Variants in AHCTF1 observed in about 807,000 individuals in gnomAD.
AHCTF1 encodes the protein AT-hook containing transcription factor 1.
Under a neutral mutation model 248.4 loss-of-function variants are expected in AHCTF1, and 24 were observed. That is an observed-to-expected ratio of 0.10 (90% CI 0.07 to 0.14). The LOEUF (loss-of-function observed/expected upper bound fraction) is 0.14, where lower values mean the gene tolerates loss of function less well. Ranked by LOEUF, AHCTF1 falls within the 10% of genes least tolerant of loss-of-function variation. The pLI, the probability that AHCTF1 is intolerant of heterozygous loss-of-function variation, is 1.00. For missense variants in AHCTF1, 2,206 were observed against 2,636.2 expected, an observed-to-expected ratio of 0.84 and a Z score of 3.57; for synonymous variants, 786 against 929.8, an observed-to-expected ratio of 0.85 and a Z score of 2.81.
chr1:246,846,689 A>G (rs1232924290), intron 33 of AHCTF1, among the ~76,000 whole-genome samples: 1 of 152,002 alleles, frequency 6.6e-6, no homozygotes, highest in East Asian at 1.9e-4. Context: ...GCCAATATGA[A>G]AAAAAAAGAA....
chr1:246,859,836 G>A (rs933522713), intron 29 of AHCTF1, among the ~76,000 whole-genome samples: 1 of 152,088 alleles, frequency 6.6e-6, no homozygotes, highest in Admixed American at 6.6e-5. Context: ...TTACAGGCGT[G>A]AGCCACTTTA....
intron 3 of AHCTF1, among the ~76,000 whole-genome samples, chr1:246,915,114 G>A (rs61854029): frequency 6.6e-6 from 1 of 152,050 alleles, no homozygotes; most frequent in East Asian, 1.9e-4. Flanking sequence ...GGTGGATCAC[G>A]AGGTCAAGAG....
intron 29 of AHCTF1, among the ~76,000 whole-genome samples, chr1:246,858,090 G>A (rs1417700935): frequency 6.6e-6 from 1 of 151,812 alleles, no homozygotes; most frequent in Non-Finnish European, 1.5e-5. Flanking sequence ...CCCCCGAGTA[G>A]CTGGCACTAC....
intron 1 of AHCTF1, among the ~76,000 whole-genome samples, chr1:246,925,924 G>C (rs187847727): frequency 9.3e-4 from 141 of 152,184 alleles, no homozygotes; most frequent in Non-Finnish European, 1.2e-3. Context: ...AATTAGCCAG[G>C]TGTGGTGGCG....
rs1663035515 is a variant in AHCTF1, at chr1:246,877,193, C to T, written c.2770G>A (p.Asp924Asn). The part of the protein sequence containing the change: ...EVCQEMGLME[D>N]LLKLPFTDTE... ...TCTGTAAATGGTAACTTCAGTAAAT[C>T]TTCCATCAAGCCCATTTCCTGACAG... is the stretch of plus-strand genomic sequence containing the variant. The change falls in exon 22 of 36, where the codon GAT becomes AAT. Residue 924 changes from aspartate to asparagine, a missense_variant. Around this residue, in one of 6 missense-constraint regions of AHCTF1, gnomAD observed 955 missense variants for 1,055.6 expected, o/e 0.90. Transcript: ENST00000648844. 1.2e-6 allele frequency: 2 copies of T among 1,613,240 alleles called. No individual in the cohort carries two copies. Among genetic ancestry groups the T allele is most frequent in the Non-Finnish European group, 1.7e-6 (2 of 1,179,858 alleles).
Position 246,903,658 on chromosome 1 carries a change from C to A in AHCTF1, c.966+291G>T, listed in dbSNP as rs867896387. 1.2e-3 allele frequency among the ~76,000 whole-genome samples: 137 copies of A among 117,572 alleles called. 4 individuals carry two copies. Among genetic ancestry groups the A allele is most frequent in the African/African-American group, 4.5e-3 (130 of 28,960 alleles). 77.1% of individuals were successfully genotyped at this position (117,572 alleles called of 152,430 possible). On this transcript the variant is annotated intron_variant, in intron 7 of 35. Transcript: ENST00000648844. ...GCCTGGCCAAGATGGTGAGACCCCCCCCCCTCCGTCTCTGCTAAATATACA... is the reference window on the plus strand; with the variant it reads ...GCCTGGCCAAGATGGTGAGACCCCCACCCCTCCGTCTCTGCTAAATATACA...
Position 246,913,339 on chromosome 1 carries a change from C to T in AHCTF1, c.449G>A (p.Arg150Gln). The change falls in exon 4 of 36, where the codon CGA becomes CAA. Residue 150 changes from arginine (R) to glutamine (Q), a missense_variant. Arg to Gln is a conservative substitution (Grantham distance 43, BLOSUM62 1). Coordinates refer to ENST00000648844, the MANE Select transcript of AHCTF1 (RefSeq NM_001323342.2). ...CACAGCTGCCACTCCAAAAAGCCAT[C>T]GCAGACTTGGATGTAAATGCTGAGT... ...ASTQHLHPSL[R>Q]WLFGVAAVVT... is the part of the protein sequence containing the mutation. 10 of 1,613,920 alleles carry T rather than the reference C, an allele frequency of 6.2e-6. No individual in the cohort carries two copies. The highest frequency in any genetic ancestry group is 1.1e-5 in the South Asian group (1 of 91,058).
At chr1:246,882,004 G>GT (rs1282915367) in intron 21 of AHCTF1, among the ~76,000 whole-genome samples, 1,514 of 128,544 alleles carry the variant, frequency 0.012, 29 homozygotes, top group African/African-American at 0.036. Flanking sequence ...TTTTTTTTTT[G>GT]TTTTTTTTTT....
At chr1:246,851,582 T>C (rs568201204) in intron 32 of AHCTF1, 140 bp from the exon 33 acceptor site, 452 of 684,320 alleles carry the variant, frequency 6.6e-4, no homozygotes, top group Non-Finnish European at 9.2e-4. Context: ...CTTATGGGTT[T>C]ACTTTACAAA....
intron 1 of AHCTF1, chr1:246,931,265 C>T (rs1331127611): frequency 4.5e-6 from 7 of 1,549,032 alleles, no homozygotes; most frequent in East Asian, 2.4e-5. Context: ...CGGCCCCGGC[C>T]GTCCGTAAAG....
intron 33 of AHCTF1, among the ~76,000 whole-genome samples, chr1:246,845,432 A>G (rs1409806861): frequency 1.3e-5 from 2 of 152,224 alleles, no homozygotes; most frequent in African/African-American, 4.8e-5. Flanking sequence ...CAGCTTGTAA[A>G]TGGCAGAAAT....
chr1:246,897,880 G>A (rs1023774068), intron 12 of AHCTF1, among the ~76,000 whole-genome samples: 1 of 130,196 alleles, frequency 7.7e-6, no homozygotes, highest in Non-Finnish European at 1.7e-5. Context: ...TGCGGGGGCT[G>A]GGGTGGGAAG....
At chr1:246,923,531 C>G (rs949546055) in intron 1 of AHCTF1, among the ~76,000 whole-genome samples, 16 of 152,138 alleles carry the variant, frequency 1.1e-4, no homozygotes, top group Admixed American at 1.3e-4. Context: ...AATCTAGACA[C>G]AGAATCACTA....
intron 21 of AHCTF1, among the ~76,000 whole-genome samples, chr1:246,884,790 ACTTC>A (rs904902714): frequency 4.6e-5 from 7 of 152,244 alleles, no homozygotes; most frequent in Admixed American, 2.0e-4. Context: ...GAAACCAGAC[ACTTC>A]CTTAAGATTT....
At chr1:246,909,712 CATA>C (rs930224063) in intron 4 of AHCTF1, among the ~76,000 whole-genome samples, 3 of 152,168 alleles carry the variant, frequency 2.0e-5, no homozygotes, top group African/African-American at 7.2e-5. Flanking sequence ...AAGGAAAAAT[CATA>C]ATGTGTGCAG....
chr1:246,859,172 T>C (rs1275545897), intron 29 of AHCTF1, among the ~76,000 whole-genome samples: 1 of 152,236 alleles, frequency 6.6e-6, no homozygotes, highest in East Asian at 1.9e-4. Flanking sequence ...TAAGTAAAGA[T>C]ATCGTAGTCC....
intron 21 of AHCTF1, among the ~76,000 whole-genome samples, chr1:246,882,142 C>A (rs182359090): frequency 6.6e-6 from 1 of 151,686 alleles, no homozygotes; most frequent in South Asian, 2.1e-4. Flanking sequence ...GGACTACAGG[C>A]GTGCACCACC....
chr1:246,881,836 TCAAAAAAAAAAAC>T (rs1192448354), intron 21 of AHCTF1, among the ~76,000 whole-genome samples: 5 of 83,962 alleles, frequency 6.0e-5, no homozygotes, highest in African/African-American at 5.7e-5. Flanking sequence ...AGGCTCCGTC[TCAAAAAAAAAAAC>T]CAAAAAAAAA....
chr1:246,859,084 A>G (rs1031293013), intron 29 of AHCTF1, among the ~76,000 whole-genome samples: 11 of 152,312 alleles, frequency 7.2e-5, no homozygotes, highest in African/African-American at 2.4e-4. Flanking sequence ...TAAGTAAGGC[A>G]GTGTAAATTT....
Sources: allele counts gnomAD v4.1 joint callset (sites outside exome capture counted in the v4.1 genomes callset), GRCh38; gene constraint gnomAD v4.1.1; regional missense constraint gnomAD v4.1.1; transcripts MANE v1.5; gene names NCBI Gene and HGNC (gene_info 2026-07-23, HGNC 2026-07-21).